RPS6KC1: variants seen among roughly 807,000 people sequenced by gnomAD.
RPS6KC1 encodes inactive ribosomal protein S6 kinase delta-1.
In RPS6KC1, 54 loss-of-function variants were observed where a neutral mutation model predicts 103.8. The ratio of observed to expected loss-of-function variants is 0.52; its 90% CI spans 0.42 to 0.65. RPS6KC1 has a LOEUF of 0.65. Among genes scored for constraint, RPS6KC1 ranks in the 30% least tolerant of loss-of-function variants. The pLI is 0.00. For missense variants in RPS6KC1, 1,151 were observed against 1,253.8 expected, an observed-to-expected ratio of 0.92 and a Z score of 1.24; for synonymous variants, 439 against 438.7, an observed-to-expected ratio of 1.00 and a Z score of -0.01.
chr1:213,356,062 G>A, the RPS6KC1 span, among the ~76,000 whole-genome samples: 5 of 152,328 alleles, frequency 3.3e-5, no homozygotes, highest in African/African-American at 9.6e-5. Flanking sequence ...TTATGTGCTG[G>A]ACACTGGGCC....
chr1:213,367,007 G>C, the RPS6KC1 span, among the ~76,000 whole-genome samples: 1 of 152,162 alleles, frequency 6.6e-6, no homozygotes, highest in Non-Finnish European at 1.5e-5. Flanking sequence ...CTCCTCACCA[G>C]GCTAAACATC....
the RPS6KC1 span, among the ~76,000 whole-genome samples, chr1:213,367,228 G>A: frequency 1.6e-4 from 24 of 152,186 alleles, no homozygotes; most frequent in Non-Finnish European, 2.4e-4. Context: ...GCAGCCTAAG[G>A]TCATATGTGC....
chr1:213,692,883 T>A, the RPS6KC1 span, among the ~76,000 whole-genome samples: 4 of 152,170 alleles, frequency 2.6e-5, no homozygotes, highest in East Asian at 7.7e-4. Flanking sequence ...AACAACTGCC[T>A]GACCATCACC....
At chr1:213,555,998 C>A in the RPS6KC1 span, among the ~76,000 whole-genome samples, 1 of 152,204 alleles carries the variant, frequency 6.6e-6, no homozygotes, top group African/African-American at 2.4e-5. Context: ...AAAATCAGAG[C>A]CACTGCCTAG....
chr1:213,482,197 G>GC, the RPS6KC1 span, among the ~76,000 whole-genome samples: 7,560 of 152,216 alleles, frequency 0.05, 608 homozygotes, highest in African/African-American at 0.17. Context: ...TCATAGCAGT[G>GC]AAGAAGAGAC....
the RPS6KC1 span, among the ~76,000 whole-genome samples, chr1:213,572,350 T>G: frequency 2.6e-5 from 4 of 152,252 alleles, no homozygotes; most frequent in East Asian, 7.7e-4. Context: ...TGAGGGGCTA[T>G]TCCTCCCTTC....
intron 14 of RPS6KC1, among the ~76,000 whole-genome samples, chr1:213,270,851 A>C (rs2095031687): frequency 6.6e-6 from 1 of 152,232 alleles, no homozygotes; most frequent in South Asian, 2.1e-4. Flanking sequence ...CAACATTATT[A>C]GTTGTTAGGG....
the RPS6KC1 span, among the ~76,000 whole-genome samples, chr1:213,376,112 G>A: frequency 6.7e-6 from 1 of 149,408 alleles, no homozygotes; most frequent in African/African-American, 2.5e-5. Flanking sequence ...GTGTGTGTGT[G>A]TGTGTGTGTG....
intron 8 of RPS6KC1, among the ~76,000 whole-genome samples, chr1:213,223,266 A>G (rs2093878758): frequency 6.6e-6 from 1 of 152,030 alleles, no homozygotes; most frequent in Non-Finnish European, 1.5e-5. Context: ...GGTTACACAG[A>G]TAAGTTCTTT....
At chr1:213,359,370 G>T in the RPS6KC1 span, among the ~76,000 whole-genome samples, 2 of 152,134 alleles carry the variant, frequency 1.3e-5, no homozygotes, top group African/African-American at 4.8e-5. Context: ...CAGAGACTAG[G>T]ATTGCAACCC....
the RPS6KC1 span, among the ~76,000 whole-genome samples, chr1:213,721,820 ATC>A: frequency 1.3e-5 from 2 of 152,000 alleles, no homozygotes; most frequent in Non-Finnish European, 2.9e-5. Context: ...GGAATTCTCA[ATC>A]TCTCTCTTTT....
the RPS6KC1 span, among the ~76,000 whole-genome samples, chr1:213,400,019 G>A: frequency 6.6e-6 from 1 of 152,284 alleles, no homozygotes; most frequent in African/African-American, 2.4e-5. Flanking sequence ...GCTGGGCGCC[G>A]AATCACTTGA....
chr1:213,511,047 A>G, the RPS6KC1 span, among the ~76,000 whole-genome samples: 1 of 152,212 alleles, frequency 6.6e-6, no homozygotes, highest in Non-Finnish European at 1.5e-5. Context: ...GAGAACAGAC[A>G]CCAGATTTTA....
At chr1:213,606,096 G>T in the RPS6KC1 span, among the ~76,000 whole-genome samples, 1 of 152,216 alleles carries the variant, frequency 6.6e-6, no homozygotes, top group African/African-American at 2.4e-5. Context: ...GACAGACATA[G>T]TTTCTGAAAA....
chr1:213,382,131 C>T, the RPS6KC1 span, among the ~76,000 whole-genome samples: 1 of 152,158 alleles, frequency 6.6e-6, no homozygotes, highest in East Asian at 1.9e-4. Flanking sequence ...GCTCCAAGCC[C>T]TGCCAGTCCT....
the RPS6KC1 span, among the ~76,000 whole-genome samples, chr1:213,372,452 C>T: frequency 6.6e-6 from 1 of 152,210 alleles, no homozygotes; most frequent in African/African-American, 2.4e-5. Context: ...GATTGGGCAT[C>T]TGCGTGTGGC....
the RPS6KC1 span, among the ~76,000 whole-genome samples, chr1:213,351,079 A>T: frequency 3.3e-5 from 5 of 152,164 alleles, no homozygotes; most frequent in African/African-American, 1.2e-4. Flanking sequence ...AATTAAGTAC[A>T]TGTACATATT....
chr1:213,793,717 G>C, the RPS6KC1 span, among the ~76,000 whole-genome samples: 3 of 152,142 alleles, frequency 2.0e-5, no homozygotes, highest in Admixed American at 6.5e-5. Flanking sequence ...GGCTCTGAAC[G>C]CCTCGCCAGT....
the RPS6KC1 span, among the ~76,000 whole-genome samples, chr1:213,641,649 G>T: frequency 1.3e-5 from 2 of 152,084 alleles, no homozygotes; most frequent in South Asian, 4.1e-4. Flanking sequence ...AAGCTTAAAA[G>T]TTTATCAGAT....
Sources: allele counts gnomAD v4.1 joint callset (sites outside exome capture counted in the v4.1 genomes callset), GRCh38; gene constraint gnomAD v4.1.1; transcripts MANE v1.5; gene names NCBI Gene and HGNC (gene_info 2026-07-23, HGNC 2026-07-21).